Variants in PTPRD observed in about 807,000 individuals in gnomAD.
PTPRD encodes receptor-type tyrosine-protein phosphatase delta.
In PTPRD, 34 loss-of-function variants were observed where a neutral mutation model predicts 214.5. The observed-to-expected ratio is 0.16, with a 90% CI of 0.12 to 0.21. The LOEUF (loss-of-function observed/expected upper bound fraction) is 0.21. PTPRD is among the 10% of genes least tolerant of loss of function. The pLI is 1.00. For missense variants in PTPRD, 2,545 were observed against 2,398.7 expected (o/e 1.06, Z -1.27); for synonymous variants, 1,128 against 845.7 (o/e 1.33, Z -5.79).
chr9:9,406,992 T>G (rs1159540107), intron 8 of PTPRD, among the ~76,000 whole-genome samples: 1 of 151,754 alleles, frequency 6.6e-6, no homozygotes, highest in African/African-American at 2.4e-5. Flanking sequence ...TGAAAATTAG[T>G]AAATTACTTA....
chr9:9,686,425 C>T (rs964567975), intron 7 of PTPRD, among the ~76,000 whole-genome samples: 1 of 151,186 alleles, frequency 6.6e-6, no homozygotes, highest in African/African-American at 2.4e-5. Flanking sequence ...ATTCTATAGA[C>T]AGACCTACAG....
intron 25 of PTPRD, among the ~76,000 whole-genome samples, chr9:8,498,422 C>T (rs757558436): frequency 4.6e-5 from 7 of 152,038 alleles, no homozygotes; most frequent in South Asian, 2.1e-4. Context: ...ACCACACAGG[C>T]GTGTGCCGCC....
intron 16 of PTPRD, 131 bp downstream of exon 16, chr9:8,527,214 C>G: frequency 1.1e-6 from 1 of 900,286 alleles, no homozygotes; most frequent in Non-Finnish European, 1.7e-6. Context: ...TGTGTGGGAG[C>G]CACTACAGAG....
intron 7 of PTPRD, among the ~76,000 whole-genome samples, chr9:9,623,550 T>C (rs1759925654): frequency 1.3e-5 from 2 of 152,156 alleles, no homozygotes; most frequent in African/African-American, 4.8e-5. Flanking sequence ...CCCTTTCTAG[T>C]AACACCTTTG....
intron 9 of PTPRD, among the ~76,000 whole-genome samples, chr9:9,223,302 T>C (rs2099957376): frequency 6.6e-6 from 1 of 151,964 alleles, no homozygotes; most frequent in Non-Finnish European, 1.5e-5. Flanking sequence ...AGTGTGATTA[T>C]TTCATGAAAA....
intron 2 of PTPRD, among the ~76,000 whole-genome samples, chr9:10,507,609 C>A (rs1286447941): frequency 6.6e-6 from 1 of 152,034 alleles, no homozygotes; most frequent in Admixed American, 6.6e-5. Flanking sequence ...AGATATAGAC[C>A]AATGGAACGG....
At chr9:9,919,889 G>T (rs1430561525) in intron 5 of PTPRD, among the ~76,000 whole-genome samples, 2 of 152,028 alleles carry the variant, frequency 1.3e-5, no homozygotes, top group South Asian at 4.2e-4. Flanking sequence ...GGATATAATA[G>T]GACTTCAGGA....
chr9:8,556,385 G>A (rs1413273347), intron 14 of PTPRD, among the ~76,000 whole-genome samples: 1 of 152,168 alleles, frequency 6.6e-6, no homozygotes, highest in Non-Finnish European at 1.5e-5. Flanking sequence ...GACTAAATGT[G>A]TAATATACAC....
At chr9:10,470,330 T>C (rs1487986251) in intron 2 of PTPRD, among the ~76,000 whole-genome samples, 1 of 152,096 alleles carries the variant, frequency 6.6e-6, no homozygotes, top group African/African-American at 2.4e-5. Flanking sequence ...CAATATAAGA[T>C]GTATCTTATG....
chr9:8,642,765 G>A (rs562614529), intron 12 of PTPRD, among the ~76,000 whole-genome samples: 3 of 152,206 alleles, frequency 2.0e-5, no homozygotes, highest in South Asian at 2.1e-4. Flanking sequence ...TGACACTTTC[G>A]CAAACATGGG....
intron 3 of PTPRD, among the ~76,000 whole-genome samples, chr9:10,324,090 T>C (rs1327586978): frequency 6.6e-6 from 1 of 152,060 alleles, no homozygotes; most frequent in Admixed American, 6.6e-5. Context: ...GCAAACCCTT[T>C]GTAAATTATA....
chr9:9,972,552 C>T (rs1313631484), intron 4 of PTPRD, among the ~76,000 whole-genome samples: 1 of 152,104 alleles, frequency 6.6e-6, no homozygotes. Context: ...TTTCTTATTG[C>T]TACCATAATA....
In PTPRD at chr9:8,366,655, T is replaced by A. The variant is rs537177047; in HGVS notation, c.4661+9281A>T. ...AGGCAGTCTGACATTATGACTCACT[T>A]TCTTTCCATTCATCTCATCTGTTAT... On this transcript the variant is annotated intron_variant, in intron 39 of 45. Transcript: ENST00000381196. 3.3e-5 allele frequency among the ~76,000 whole-genome samples: 5 copies of A among 151,672 alleles called. No homozygotes were observed. The East Asian group carries it at 9.7e-4, about 29-fold the overall frequency.
chr9:9,736,802 T>C (rs919562388), intron 6 of PTPRD, among the ~76,000 whole-genome samples: 2 of 152,054 alleles, frequency 1.3e-5, no homozygotes, highest in Non-Finnish European at 2.9e-5. Context: ...CCTTATCGAT[T>C]CACAGAAGTG....
At chr9:10,148,704 C>T (rs2099040599) in intron 3 of PTPRD, among the ~76,000 whole-genome samples, 1 of 152,146 alleles carries the variant, frequency 6.6e-6, no homozygotes, top group South Asian at 2.1e-4. Flanking sequence ...ATAGTAGAAT[C>T]ACCTAGGGCC....
intron 8 of PTPRD, among the ~76,000 whole-genome samples, chr9:9,509,232 G>GA (rs1015170434): frequency 1.7e-4 from 25 of 151,160 alleles, no homozygotes; most frequent in Admixed American, 1.2e-3. Context: ...TTAATTATGG[G>GA]AAAAAAACCC....
chr9:8,388,125 T>A (rs1244379399), intron 37 of PTPRD, among the ~76,000 whole-genome samples: 1 of 152,116 alleles, frequency 6.6e-6, no homozygotes, highest in Non-Finnish European at 1.5e-5. Flanking sequence ...ATTTCCCACC[T>A]TTGAGGTTAC....
chr9:9,758,131 C>A (rs1040212238), intron 6 of PTPRD, among the ~76,000 whole-genome samples: 36 of 127,610 alleles, frequency 2.8e-4, no homozygotes, highest in African/African-American at 1.2e-3. Context: ...CAGTTCACAT[C>A]TCAAGAGTAA....
At chr9:8,515,450 A>G (rs370151516) in intron 21 of PTPRD, among the ~76,000 whole-genome samples, 28 of 152,208 alleles carry the variant, frequency 1.8e-4, no homozygotes, top group African/African-American at 6.8e-4. Context: ...ATCCCACAAA[A>G]ATCCATATGT....
Sources: allele counts gnomAD v4.1 joint callset (sites outside exome capture counted in the v4.1 genomes callset), GRCh38; gene constraint gnomAD v4.1.1; transcripts MANE v1.5; gene names NCBI Gene and HGNC (gene_info 2026-07-23, HGNC 2026-07-21).